The following CFAP77 variants were observed in gnomAD, a reference collection of about 807,000 sequenced individuals.
The protein encoded by CFAP77 is cilia- and flagella-associated protein 77.
CFAP77 carries 25 observed loss-of-function variants against 31.1 expected under a neutral mutation model. The ratio of observed to expected loss-of-function variants is 0.80; its 90% confidence interval spans 0.59 to 1.12. CFAP77 has a LOEUF of 1.12. Among genes scored for constraint, CFAP77 ranks in the 50% most tolerant of loss-of-function variants. CFAP77 has a pLI of 0.00. For missense variants in CFAP77, 377 were observed against 397.3 expected, an observed-to-expected ratio of 0.95 and a Z score of 0.44; for synonymous variants, 151 against 159.9, an observed-to-expected ratio of 0.94 and a Z score of 0.42.
intron 1 of CFAP77, among the ~76,000 whole-genome samples, chr9:132,451,617 G>A (rs1850828750): frequency 6.6e-6 from 1 of 151,760 alleles, no homozygotes; most frequent in Non-Finnish European, 1.5e-5. Flanking sequence ...CCTCTTCATT[G>A]TGTGACACTC....
intron 1 of CFAP77, among the ~76,000 whole-genome samples, chr9:132,473,946 G>T (rs1229857834): frequency 2.0e-5 from 3 of 152,188 alleles, no homozygotes; most frequent in Non-Finnish European, 4.4e-5. Flanking sequence ...GCCTCCCAAA[G>T]TGCTGGGGTT....
intron 3 of CFAP77, among the ~76,000 whole-genome samples, chr9:132,513,869 C>G (rs1487786144): frequency 6.6e-6 from 1 of 152,320 alleles, no homozygotes; most frequent in East Asian, 1.9e-4. Context: ...CCCATCTTCT[C>G]AACTCTTTCT....
At chr9:132,429,670 C>T (rs1018955070) in intron 1 of CFAP77, among the ~76,000 whole-genome samples, 2 of 149,970 alleles carry the variant, frequency 1.3e-5, no homozygotes, top group Admixed American at 6.8e-5. Context: ...CGGCGAAACC[C>T]CGTCTCTACT....
At chr9:132,515,575 C>T (rs1175932688) in intron 3 of CFAP77, among the ~76,000 whole-genome samples, 1 of 152,198 alleles carries the variant, frequency 6.6e-6, no homozygotes, top group Non-Finnish European at 1.5e-5. Flanking sequence ...GGGGCCTTCT[C>T]GGCCTGATGG....
intron 1 of CFAP77, among the ~76,000 whole-genome samples, chr9:132,464,002 C>A (rs369224485): frequency 2.6e-5 from 4 of 152,176 alleles, no homozygotes; most frequent in African/African-American, 9.7e-5. Context: ...GCAAAGGGGT[C>A]GGATGGGAAT....
In CFAP77 at chr9:132,499,737, G is replaced by A; in HGVS notation, c.524+137G>A. The stretch of plus-strand genomic sequence containing the variant: ...GTCCTCTCTTCAATGACTCTCTCTT[G>A]TGTGACCTCTATAGCCACACCCTGA... On this transcript the variant is annotated intron_variant, in intron 3 of 5. Coordinates refer to ENST00000393216, the MANE Select transcript of CFAP77 (RefSeq NM_001282957.2). This position sits in a 1 kb window ranked among gnomAD's most constrained non-coding sequence, Gnocchi z 5.4. 1.3e-6 allele frequency: 1 copy of A among 786,990 alleles called. No individual in the cohort carries two copies. The highest frequency in any genetic ancestry group is 2.1e-6 in the Non-Finnish European group (1 of 476,282). The allele number at this position is 786,990 out of a possible 1,614,324, so 48.8% of individuals were successfully genotyped here.
At chr9:132,486,935 G>A (rs1371131792) in intron 1 of CFAP77, among the ~76,000 whole-genome samples, 1 of 152,244 alleles carries the variant, frequency 6.6e-6, no homozygotes, top group Non-Finnish European at 1.5e-5. Flanking sequence ...GCAGGCAGCC[G>A]GAAGGGAGGC....
intron 1 of CFAP77, among the ~76,000 whole-genome samples, chr9:132,448,232 C>A (rs566056371): frequency 5.9e-5 from 9 of 152,108 alleles, no homozygotes; most frequent in Non-Finnish European, 1.2e-4. Flanking sequence ...ATGTACATCA[C>A]AAAACTTTGG....
chr9:132,493,508 G>GT (rs1851684089), intron 1 of CFAP77, among the ~76,000 whole-genome samples: 1 of 152,254 alleles, frequency 6.6e-6, no homozygotes, highest in Non-Finnish European at 1.5e-5. Context: ...TCAGCAGAGA[G>GT]TTGGGGGAAA....
intron 5 of CFAP77, among the ~76,000 whole-genome samples, chr9:132,559,402 A>G (rs1852960420): frequency 6.6e-6 from 1 of 151,258 alleles, no homozygotes; most frequent in African/African-American, 2.4e-5. Flanking sequence ...TCCAAAGGAG[A>G]TAAACAAATA....
intron 3 of CFAP77, among the ~76,000 whole-genome samples, chr9:132,512,475 C>T (rs1318301177): frequency 6.6e-6 from 1 of 152,180 alleles, no homozygotes; most frequent in Non-Finnish European, 1.5e-5. Flanking sequence ...CCACTCTAAT[C>T]ATCGAAGCAT....
Position 132,564,452 on chromosome 9 carries a change from C to T in CFAP77, c.733-7936C>T, listed in dbSNP as rs1466654545. Among the ~76,000 whole-genome samples the T allele has an allele frequency of 6.6e-6, 1 of 152,086 alleles. No homozygotes were observed. Among genetic ancestry groups the T allele is most frequent in the Non-Finnish European group, 1.5e-5 (1 of 68,012 alleles). The stretch of plus-strand genomic sequence containing the variant: ...TAACAAACCTAACTGATAAAATTGC[C>T]TGGAAATGTAAAATCACGCTTATAA... On this transcript the variant is annotated intron_variant, in intron 5 of 5. Coordinates refer to ENST00000393216, the MANE Select transcript of CFAP77 (RefSeq NM_001282957.2). This position sits in a 1 kb window ranked among gnomAD's most constrained non-coding sequence, Gnocchi z 4.6.
chr9:132,569,518 A>G (rs1829927710), intron 5 of CFAP77, among the ~76,000 whole-genome samples: 1 of 152,122 alleles, frequency 6.6e-6, no homozygotes, highest in African/African-American at 2.4e-5. Flanking sequence ...AATAGTTATT[A>G]TTACTATTTG....
chr9:132,473,255 T>C, intron 1 of CFAP77, among the ~76,000 whole-genome samples: 1 of 152,148 alleles, frequency 6.6e-6, no homozygotes. Flanking sequence ...CAGGATCAAC[T>C]TTCAACACGA....
rs754376310 is a variant in CFAP77, at chr9:132,410,310, A to G, written c.39A>G (p.Arg13=). 6.3e-7 allele frequency: 1 copy of G among 1,594,542 alleles called. No individual in the cohort carries two copies. The highest frequency in any genetic ancestry group is 1.7e-5 in the Admixed American group (1 of 58,480). The change falls in exon 1 of 6, where the codon CGA becomes CGG. Residue 13 remains arginine (R), a synonymous_variant. Coordinates refer to ENST00000393216, the MANE Select transcript of CFAP77 (RefSeq NM_001282957.2). ...GGAGCTCCGGCCCGGACCTCACGCG[A>G]TGGAGGAAGCAGCAGCAGCCTGTGC... ...EARSSGPDLT[R]WRKQQQPVRR...
intron 1 of CFAP77, among the ~76,000 whole-genome samples, chr9:132,466,136 G>T (rs1024928325): frequency 2.0e-5 from 3 of 152,156 alleles, no homozygotes; most frequent in Non-Finnish European, 4.4e-5. Context: ...GCCCAGGCTG[G>T]GGTGCAGTGG....
Position 132,554,363 on chromosome 9 carries a change from T to C in CFAP77, c.732+11316T>C, listed in dbSNP as rs1448346547. 6.6e-6 allele frequency among the ~76,000 whole-genome samples: 1 copy of C among 152,112 alleles called. No individual in the cohort carries two copies. The highest frequency in any genetic ancestry group is 2.4e-5 in the African/African-American group (1 of 41,410). On this transcript the variant is annotated intron_variant, in intron 5 of 5. Coordinates refer to ENST00000393216, the MANE Select transcript of CFAP77 (RefSeq NM_001282957.2). This position sits in a 1 kb window ranked among gnomAD's most constrained non-coding sequence, Gnocchi z 4.1. The stretch of plus-strand genomic sequence containing the variant: ...ATTTTTATTTTATTTATTTTTTTTT[T>C]TGAGACAGGCTCTCACTCTGTCACC...
At chr9:132,534,341 G>C (rs371701626) in intron 3 of CFAP77, among the ~76,000 whole-genome samples, 2 of 152,018 alleles carry the variant, frequency 1.3e-5, no homozygotes, top group African/African-American at 4.8e-5. Context: ...GGCCGGGCAC[G>C]GTGGCTCATG....
rs1324074415 is a variant in CFAP77 at position 132,543,109 on chromosome 9, G to C, written c.732+62G>C. The C allele has an allele frequency of 8.9e-6, 12 of 1,354,094 alleles. No individual in the cohort carries two copies. The East Asian group carries it at 2.5e-4, about 29-fold the overall frequency. 83.9% of individuals were successfully genotyped at this position (1,354,094 alleles called of 1,614,324 possible). ...TTGCTGGCTGCCGCTCACCTTGCCA[G>C]GTCCTTACCTGCTGTCTCTGGGTTC... On this transcript the variant is annotated intron_variant, in intron 5 of 5. Transcript: ENST00000393216.
Sources: allele counts gnomAD v4.1 joint callset (sites outside exome capture counted in the v4.1 genomes callset), GRCh38; gene constraint gnomAD v4.1.1; non-coding constraint Gnocchi (gnomAD v3.1); transcripts MANE v1.5; gene names NCBI Gene and HGNC (gene_info 2026-07-23, HGNC 2026-07-21).